The following UNC13B variants were observed in gnomAD, a reference collection of about 807,000 sequenced individuals.
UNC13B encodes unc-13 homolog B, also known as protein unc-13 homolog B.
A neutral mutation model predicts 211.0 loss-of-function variants in UNC13B; 144 were observed. That is an observed-to-expected ratio of 0.68 (90% CI 0.60 to 0.78). The LOEUF (loss-of-function observed/expected upper bound fraction) is 0.78, where lower values mean the gene tolerates loss of function less well. Ranked by LOEUF, UNC13B falls within the 30% of genes least tolerant of loss-of-function variation. UNC13B has a pLI of 0.00. For synonymous variants in UNC13B, 709 were observed against 725.8 expected, an observed-to-expected ratio of 0.98 and a Z score of 0.37; for missense variants, 1,777 against 2,002.0, an observed-to-expected ratio of 0.89 and a Z score of 2.14.
chr9:35,324,253 A>G (rs920393529), intron 11 of UNC13B, among the ~76,000 whole-genome samples: 15 of 152,212 alleles, frequency 9.9e-5, no homozygotes, highest in Non-Finnish European at 2.1e-4. Flanking sequence ...CAGTTTCTAG[A>G]GTCATTAATA....
At position 35,300,823 on chromosome 9, in the gene UNC13B, A is replaced by G; in HGVS notation, c.1419A>G (p.Leu473=). Reference sequence around the variant, plus strand: ...TGGTAGAAACGGTGTCAGAATATTTAGCAGAGAAGGAAGAGGAGATTAATA... The same window carrying G: ...TGGTAGAAACGGTGTCAGAATATTTGGCAGAGAAGGAAGAGGAGATTAATA... The part of the protein sequence containing the change: ...QCLVETVSEY[L]AEKEEEINRF... Residue 473 remains leucine (L), a synonymous_variant, in exon 9 of 40, where the codon TTA becomes TTG. Transcript: ENST00000635942. 2.5e-6 allele frequency: 1 copy of G among 398,954 alleles called. No individual in the cohort carries two copies. Among genetic ancestry groups the G allele is most frequent in the East Asian group, 3.6e-5 (1 of 28,078 alleles). The allele number at this position is 398,954 out of a possible 1,614,324, so 24.7% of individuals were successfully genotyped here. A position where few individuals can be genotyped will look rare whatever the true frequency, so the allele number is the denominator to read the frequency against.
At chr9:35,350,060 C>T (rs1832615587) in intron 11 of UNC13B, among the ~76,000 whole-genome samples, 1 of 152,168 alleles carries the variant, frequency 6.6e-6, no homozygotes, top group African/African-American at 2.4e-5. Context: ...TCCATCTTAC[C>T]CCTCCCAGGA....
intron 10 of UNC13B, among the ~76,000 whole-genome samples, chr9:35,311,305 G>T (rs1400284018): frequency 1.3e-5 from 2 of 152,214 alleles, no homozygotes; most frequent in Admixed American, 1.3e-4. Context: ...GTGAGCTGCA[G>T]TGTACCAGGG....
At chr9:35,297,354 G>T (rs1242673177) in intron 8 of UNC13B, among the ~76,000 whole-genome samples, 2 of 151,830 alleles carry the variant, frequency 1.3e-5, no homozygotes, top group African/African-American at 4.8e-5. Context: ...TTCCCAAATG[G>T]AATTACAGGC....
chr9:35,397,857 A>AAAATT, intron 30 of UNC13B, 145 bp downstream of exon 30: 1 of 809,096 alleles, frequency 1.2e-6, no homozygotes, highest in South Asian at 1.8e-5. Flanking sequence ...TCCATGCCAC[A>AAAATT]AAATTACGAG....
At chr9:35,271,134 A>G (rs1454349573) in intron 7 of UNC13B, among the ~76,000 whole-genome samples, 3 of 115,314 alleles carry the variant, frequency 2.6e-5, no homozygotes, top group Admixed American at 1.9e-4. Context: ...GTGAGACTCC[A>G]TTTCAAAAAA....
rs1051690049 is a variant in UNC13B, at chr9:35,302,030, C to T, written c.2626C>T (p.Gln876Ter). The T allele has an allele frequency of 1.3e-5, 5 of 398,604 alleles. No homozygotes were observed. The South Asian group carries it at 3.8e-4, about 30-fold the overall frequency. 24.7% of individuals were successfully genotyped at this position (398,604 alleles called of 1,614,324 possible). Residue 876 changes from glutamine to a stop codon, truncating the protein, a stop_gained, in exon 9 of 40, where the codon CAG (glutamine) becomes TAG (stop). Transcript: ENST00000635942. LOFTEE classifies it high-confidence loss of function. ...AAGTCTTGGTCATTCTGAAAAGCAA[C>T]AGGAGTTAAAAGAGAAAGGAAGCAT... ...FRSLGHSEKQ[Q>*]ELKEKGSIFP...
intron 2 of UNC13B, 90 bp downstream of exon 2, chr9:35,228,134 TC>T: frequency 2.5e-6 from 3 of 1,202,596 alleles, no homozygotes; most frequent in Non-Finnish European, 3.5e-6. Context: ...TTGATCAAAT[TC>T]AGTAATTTGA....
chr9:35,206,358 C>G (rs1368381830), intron 1 of UNC13B, among the ~76,000 whole-genome samples: 1 of 152,046 alleles, frequency 6.6e-6, no homozygotes, highest in Non-Finnish European at 1.5e-5. Context: ...AAGAAAAATA[C>G]CCATACACAT....
intron 7 of UNC13B, among the ~76,000 whole-genome samples, chr9:35,288,122 T>G (rs1429912313): frequency 2.0e-5 from 3 of 152,222 alleles, no homozygotes; most frequent in African/African-American, 7.2e-5. Flanking sequence ...GCCACTTCCC[T>G]AGTCCAGGCT....
intron 13 of UNC13B, 89 bp downstream of exon 13, chr9:35,370,485 C>A: frequency 8.3e-7 from 1 of 1,211,300 alleles, no homozygotes; most frequent in Non-Finnish European, 1.2e-6. Flanking sequence ...GGAAGTCGTC[C>A]ATTTAATGAC....
At chr9:35,313,794 T>C in intron 10 of UNC13B, 105 bp from the exon 11 acceptor site, 1 of 849,492 alleles carries the variant, frequency 1.2e-6, no homozygotes, top group Non-Finnish European at 2.0e-6. Context: ...AGTGTAGGCA[T>C]GAGTACAAAC....
At chr9:35,277,638 T>C (rs988647068) in intron 7 of UNC13B, among the ~76,000 whole-genome samples, 1 of 151,988 alleles carries the variant, frequency 6.6e-6, no homozygotes, top group Non-Finnish European at 1.5e-5. Context: ...TTGTTCTTAG[T>C]GAGTAGCTAT....
chr9:35,397,487 T>C, intron 29 of UNC13B, 148 bp from the exon 30 acceptor site: 1 of 1,275,120 alleles, frequency 7.8e-7, no homozygotes, highest in Admixed American at 2.2e-5. Context: ...TGTTCTGTGG[T>C]TGAGAGAGAG....
chr9:35,179,242 C>G (rs905888627), intron 1 of UNC13B, among the ~76,000 whole-genome samples: 1 of 152,126 alleles, frequency 6.6e-6, no homozygotes, highest in Non-Finnish European at 1.5e-5. Context: ...GAATCAGAGT[C>G]TCACTATAGC....
intron 31 of UNC13B, 84 bp from the exon 32 acceptor site, chr9:35,398,470 C>T: frequency 6.9e-7 from 1 of 1,453,154 alleles, no homozygotes; most frequent in Admixed American, 1.7e-5. Context: ...CTGGGGTAAG[C>T]CCTGCAAGGA....
At chr9:35,287,257 C>T (rs983588993) in intron 7 of UNC13B, among the ~76,000 whole-genome samples, 2 of 151,898 alleles carry the variant, frequency 1.3e-5, no homozygotes, top group African/African-American at 2.4e-5. Context: ...CTCAGTCTCC[C>T]GAGTAGCTGG....
At chr9:35,351,219 G>C in intron 11 of UNC13B, 1 of 927,348 alleles carries the variant, frequency 1.1e-6, no homozygotes, top group South Asian at 5.2e-5. Flanking sequence ...TTTTATTCCT[G>C]CTTGACAACT....
At chr9:35,317,555 C>T (rs1161841411) in intron 11 of UNC13B, among the ~76,000 whole-genome samples, 5 of 140,230 alleles carry the variant, frequency 3.6e-5, no homozygotes, top group African/African-American at 1.3e-4. Context: ...CAGAGCCTCA[C>T]TCTGTTGCCC....
Sources: allele counts gnomAD v4.1 joint callset (sites outside exome capture counted in the v4.1 genomes callset), GRCh38; gene constraint gnomAD v4.1.1; transcripts MANE v1.5; gene names NCBI Gene and HGNC (gene_info 2026-07-23, HGNC 2026-07-21).